The following ZMAT4 variants were observed in gnomAD, a reference collection of about 807,000 sequenced individuals.
The protein encoded by ZMAT4 is zinc finger matrin-type protein 4.
A neutral mutation model predicts 28.7 loss-of-function variants in ZMAT4; 17 were observed. The ratio of observed to expected loss-of-function variants is 0.59; its 90% confidence interval spans 0.41 to 0.89. ZMAT4 has a LOEUF of 0.89. Ranked by LOEUF, ZMAT4 falls within the 40% of genes least tolerant of loss-of-function variation. ZMAT4 has a pLI of 0.00. For missense variants in ZMAT4, 240 were observed against 283.8 expected, an observed-to-expected ratio of 0.85 and a Z score of 1.11; for synonymous variants, 117 against 109.2, an observed-to-expected ratio of 1.07 and a Z score of -0.44.
intron 5 of ZMAT4, among the ~76,000 whole-genome samples, chr8:40,608,642 A>G (rs1388587535): frequency 6.6e-6 from 1 of 152,112 alleles, no homozygotes. Context: ...GTTCGGCTGG[A>G]AGTTTCCTTC....
chr8:40,786,860 C>A, intron 2 of ZMAT4: 1 of 536,908 alleles, frequency 1.9e-6, no homozygotes, highest in Non-Finnish European at 3.1e-6. Context: ...TGTTCTAGGC[C>A]CACAAAGAGT....
At chr8:40,860,894 T>C (rs1396392027) in intron 1 of ZMAT4, among the ~76,000 whole-genome samples, 3 of 152,220 alleles carry the variant, frequency 2.0e-5, no homozygotes, top group East Asian at 1.9e-4. Flanking sequence ...AGGAGGCTGT[T>C]GCACCCACCA....
chr8:40,779,909 C>G (rs1813760602), intron 2 of ZMAT4, among the ~76,000 whole-genome samples: 1 of 152,150 alleles, frequency 6.6e-6, no homozygotes, highest in South Asian at 2.1e-4. Flanking sequence ...AAACAGCAGG[C>G]TGAGAGGTGT....
intron 1 of ZMAT4, among the ~76,000 whole-genome samples, chr8:40,895,208 G>A (rs989948730): frequency 4.6e-5 from 7 of 152,214 alleles, no homozygotes; most frequent in Non-Finnish European, 1.0e-4. Context: ...CGCTGGGTCT[G>A]TGGATAGTGC....
chr8:40,542,364 A>T (rs566699812), intron 6 of ZMAT4, among the ~76,000 whole-genome samples: 1 of 152,106 alleles, frequency 6.6e-6, no homozygotes, highest in Non-Finnish European at 1.5e-5. Context: ...TCCGATTTTT[A>T]ATTTAATTTT....
At position 40,565,633 on chromosome 8, in the gene ZMAT4, C is replaced by T. The variant is rs143863321; in HGVS notation, c.674+15532G>A. On this transcript the variant is annotated intron_variant, in intron 6 of 6. Coordinates refer to ENST00000297737, the MANE Select transcript of ZMAT4 (RefSeq NM_024645.3). ...CTTCAGGTGATCTACACTCCTCGGC[C>T]TACCAAAGTGCTGGGATTACATGTG... Among the ~76,000 whole-genome samples, 329 of 152,142 alleles carry T rather than the reference C, an allele frequency of 2.2e-3. 1 individual carries two copies. The highest frequency in any genetic ancestry group is 7.1e-3 in the African/African-American group (293 of 41,510).
intron 5 of ZMAT4, among the ~76,000 whole-genome samples, chr8:40,666,312 A>T (rs1368370067): frequency 6.6e-6 from 1 of 152,186 alleles, no homozygotes; most frequent in East Asian, 1.9e-4. Context: ...ATTAATTTAA[A>T]ACTTGGAAGT....
intron 5 of ZMAT4, among the ~76,000 whole-genome samples, chr8:40,635,266 G>T (rs1002235770): frequency 2.0e-5 from 3 of 152,156 alleles, no homozygotes; most frequent in Admixed American, 2.0e-4. Flanking sequence ...CTTAGTCATT[G>T]CTTCCGCTAG....
chr8:40,835,823 C>T (rs1403975956), intron 1 of ZMAT4, among the ~76,000 whole-genome samples: 2 of 152,210 alleles, frequency 1.3e-5, no homozygotes, highest in Non-Finnish European at 2.9e-5. Context: ...AGCCAGCAGA[C>T]ATTCTAGTTC....
chr8:40,756,429 T>TATATATATATATATATATATAC (rs1392150023), intron 3 of ZMAT4, among the ~76,000 whole-genome samples: 1 of 56,604 alleles, frequency 1.8e-5, no homozygotes, highest in Non-Finnish European at 4.4e-5. Flanking sequence ...TGTTCTTTTA[T>TATATATATATATATATATATAC]ATATATATAT....
At chr8:40,712,056 C>T (rs769421824) in intron 3 of ZMAT4, among the ~76,000 whole-genome samples, 5 of 152,024 alleles carry the variant, frequency 3.3e-5, no homozygotes, top group South Asian at 2.1e-4. Flanking sequence ...TAAATATTGA[C>T]GAAGATAGAA....
chr8:40,571,996 G>T (rs1804114462), intron 6 of ZMAT4, among the ~76,000 whole-genome samples: 1 of 152,082 alleles, frequency 6.6e-6, no homozygotes, highest in African/African-American at 2.4e-5. Context: ...ATATTAATAT[G>T]TTTAGCTTTT....
intron 5 of ZMAT4, among the ~76,000 whole-genome samples, chr8:40,632,406 T>C (rs893568768): frequency 1.3e-5 from 2 of 151,910 alleles, no homozygotes; most frequent in East Asian, 1.9e-4. Context: ...AATAAGAAAA[T>C]AGTGAAAGAG....
At chr8:40,772,528 T>C (rs1188919295) in intron 2 of ZMAT4, among the ~76,000 whole-genome samples, 1 of 152,248 alleles carries the variant, frequency 6.6e-6, no homozygotes, top group Non-Finnish European at 1.5e-5. Flanking sequence ...TACTGATTTC[T>C]GGTATCATAA....
intron 3 of ZMAT4, among the ~76,000 whole-genome samples, chr8:40,714,078 G>T (rs1406802537): frequency 6.6e-6 from 1 of 151,890 alleles, no homozygotes; most frequent in Non-Finnish European, 1.5e-5. Context: ...ATAAAAATTG[G>T]AATATTTTTG....
intron 5 of ZMAT4, among the ~76,000 whole-genome samples, chr8:40,632,307 T>G (rs991929875): frequency 1.3e-4 from 20 of 152,118 alleles, no homozygotes; most frequent in African/African-American, 4.6e-4. Context: ...CCTAGCAAAA[T>G]AGTTTTATAG....
chr8:40,695,047 G>A (rs935456545), intron 4 of ZMAT4, among the ~76,000 whole-genome samples: 1 of 152,158 alleles, frequency 6.6e-6, no homozygotes, highest in South Asian at 2.1e-4. Flanking sequence ...CTGTCCAACA[G>A]CATTAGATCG....
chr8:40,636,221 C>T (rs1049414424), intron 5 of ZMAT4, among the ~76,000 whole-genome samples: 1 of 152,240 alleles, frequency 6.6e-6, no homozygotes, highest in Non-Finnish European at 1.5e-5. Flanking sequence ...TACATACACA[C>T]ACACAGTGTG....
intron 3 of ZMAT4, among the ~76,000 whole-genome samples, chr8:40,755,508 A>G (rs1812641199): frequency 6.6e-6 from 1 of 152,160 alleles, no homozygotes. Flanking sequence ...GCTGGAGTGC[A>G]ATGGCCCGAT....
Sources: gnomAD v4.1 joint callset for allele counts (sites outside exome capture counted in the v4.1 genomes callset) on GRCh38, gnomAD v4.1.1 for gene constraint, MANE v1.5 for transcripts, NCBI Gene and HGNC (gene_info 2026-07-23, HGNC 2026-07-21) for gene names.